Variants in DOCK2 observed in about 807,000 individuals in gnomAD.
DOCK2 encodes dedicator of cytokinesis 2, also known as dedicator of cytokinesis protein 2.
Under a neutral mutation model 248.9 loss-of-function variants are expected in DOCK2, and 87 were observed. The ratio of observed to expected loss-of-function variants is 0.35; its 90% CI spans 0.29 to 0.42. The LOEUF is 0.42. Ranked by LOEUF, DOCK2 falls within the 10% of genes least tolerant of loss-of-function variation. DOCK2 has a pLI of 1.00. For missense variants in DOCK2, 1,747 were observed against 2,300.2 expected, an observed-to-expected ratio of 0.76 and a Z score of 4.92; for synonymous variants, 805 against 821.6, an observed-to-expected ratio of 0.98 and a Z score of 0.35.
chr5:170,047,313 A>G (rs145123150), intron 39 of DOCK2, among the ~76,000 whole-genome samples, 197 bp from the exon 40 acceptor site: 24 of 152,346 alleles, frequency 1.6e-4, no homozygotes, highest in African/African-American at 5.1e-4. Context: ...GTGCAGGTAG[A>G]GTGATTAACA....
intron 27 of DOCK2, among the ~76,000 whole-genome samples, chr5:169,844,179 A>G (rs983824708): frequency 1.3e-5 from 2 of 152,220 alleles, no homozygotes; most frequent in Non-Finnish European, 2.9e-5. Context: ...ATATATTTTT[A>G]AAAGCATTCC....
At chr5:170,079,219 G>A (rs1757942412) in intron 49 of DOCK2, 73 bp downstream of exon 49, 1 of 1,539,326 alleles carries the variant, frequency 6.5e-7, no homozygotes, top group Non-Finnish European at 8.8e-7. Context: ...ACAAAACCCA[G>A]GGCTTCCAGA....
At chr5:169,926,294 GGAAATATTGTCGCTTTGC>G (rs1775452022) in intron 27 of DOCK2, among the ~76,000 whole-genome samples, 1 of 152,146 alleles carries the variant, frequency 6.6e-6, no homozygotes, top group South Asian at 2.1e-4. Context: ...TTGCTGTTTG[GGAAATATTGTCGCTTTGC>G]ATAGGATGGC....
intron 30 of DOCK2, among the ~76,000 whole-genome samples, chr5:170,000,850 C>G (rs146781845): frequency 6.6e-6 from 1 of 152,290 alleles, no homozygotes; most frequent in East Asian, 1.9e-4. Context: ...AACTTCTAGA[C>G]TATTTCTAGC....
chr5:169,663,462 C>G, intron 2 of DOCK2, among the ~76,000 whole-genome samples: 1 of 152,238 alleles, frequency 6.6e-6, no homozygotes, highest in East Asian at 1.9e-4. Context: ...CCACATTTCC[C>G]TGCTGCACTG....
At chr5:169,809,194 T>C (rs1283462261) in intron 26 of DOCK2, among the ~76,000 whole-genome samples, 2 of 152,184 alleles carry the variant, frequency 1.3e-5, no homozygotes, top group Non-Finnish European at 2.9e-5. Flanking sequence ...TTTTACCATG[T>C]TGGCCAGGCT....
chr5:170,037,667 G>A (rs961113448), intron 36 of DOCK2, among the ~76,000 whole-genome samples: 3 of 151,874 alleles, frequency 2.0e-5, no homozygotes, highest in Non-Finnish European at 2.9e-5. Flanking sequence ...TGTATTTTTA[G>A]TAGAGACGGG....
At chr5:169,942,549 T>C (rs1437754852) in intron 27 of DOCK2, among the ~76,000 whole-genome samples, 1 of 152,192 alleles carries the variant, frequency 6.6e-6, no homozygotes, top group Admixed American at 6.5e-5. Context: ...TTACAGAAAA[T>C]TGTAATTTTC....
intron 27 of DOCK2, among the ~76,000 whole-genome samples, chr5:169,912,021 T>C (rs1774623836): frequency 6.6e-6 from 1 of 152,244 alleles, no homozygotes; most frequent in Non-Finnish European, 1.5e-5. Context: ...CTAGAGGGCA[T>C]GGGCTAACTG....
At chr5:169,689,355 G>T (rs192049642) in intron 9 of DOCK2, 22 bp downstream of exon 9, 2 of 1,612,870 alleles carry the variant, frequency 1.2e-6, no homozygotes, top group South Asian at 1.1e-5. Flanking sequence ...CCCTCTTCTC[G>T]TTACCGTGCT....
Position 169,681,879 on chromosome 5 carries a change from G to A in DOCK2, c.606G>A (p.Met202Ile). ...TCACAGAGCGTATCAAAGAAGAAAT[G>A]GTGAGCTTTACTAAATAGGCTTTGG... ...DKITERIKEEMSKDQPDYAMY... is the reference protein window; with the variant it reads ...DKITERIKEEISKDQPDYAMY... Residue 202 changes from methionine to isoleucine, a missense_variant and splice_region_variant, in exon 7 of 52, where the codon ATG (methionine) becomes ATA (isoleucine). By Grantham distance (10) the Met-to-Ile change is conservative (BLOSUM62 1). This residue lies in a region of DOCK2 where 375 missense variants were observed against 510.9 expected (regional missense o/e 0.73). Coordinates refer to ENST00000520908, the MANE Select transcript of DOCK2 (RefSeq NM_004946.3). 6.2e-7 allele frequency: 1 copy of A among 1,613,218 alleles called. No homozygotes were observed. Among genetic ancestry groups the A allele is most frequent in the Non-Finnish European group, 8.5e-7 (1 of 1,179,696 alleles).
intron 26 of DOCK2, among the ~76,000 whole-genome samples, chr5:169,813,851 A>T (rs1008448509): frequency 8.5e-5 from 13 of 152,182 alleles, no homozygotes; most frequent in African/African-American, 3.1e-4. Flanking sequence ...GGGGACAATG[A>T]GTTGGGTACC....
chr5:170,044,401 T>G (rs948275150), intron 38 of DOCK2, among the ~76,000 whole-genome samples: 4 of 152,212 alleles, frequency 2.6e-5, no homozygotes. Context: ...GAGGTCCCAG[T>G]GGCCACACAG....
chr5:169,650,425 C>T (rs1195892552), intron 1 of DOCK2, among the ~76,000 whole-genome samples: 2 of 152,076 alleles, frequency 1.3e-5, no homozygotes, highest in Non-Finnish European at 2.9e-5. Flanking sequence ...CAAAGAGAAA[C>T]ATTGAACTTA....
chr5:169,666,009 A>G (rs1758704166), intron 2 of DOCK2, among the ~76,000 whole-genome samples: 1 of 152,218 alleles, frequency 6.6e-6, no homozygotes, highest in Non-Finnish European at 1.5e-5. Context: ...TTCCTCCAGA[A>G]TGCATGTCTA....
intron 25 of DOCK2, among the ~76,000 whole-genome samples, chr5:169,785,180 A>G (rs1190543214): frequency 1.3e-5 from 2 of 152,230 alleles, no homozygotes; most frequent in South Asian, 2.1e-4. Flanking sequence ...TCAGCAGCCA[A>G]TCTAATTTCA....
At chr5:169,876,630 T>C (rs1389962923) in intron 27 of DOCK2, among the ~76,000 whole-genome samples, 1 of 152,236 alleles carries the variant, frequency 6.6e-6, no homozygotes, top group African/African-American at 2.4e-5. Context: ...TTGTTGAAAG[T>C]ATGTGGCATT....
intron 25 of DOCK2, among the ~76,000 whole-genome samples, chr5:169,799,669 G>GACTAAA (rs1354605449): frequency 2.0e-5 from 3 of 152,104 alleles, no homozygotes; most frequent in African/African-American, 7.2e-5. Flanking sequence ...GCAAGATATG[G>GACTAAA]ACTAAATATT....
chr5:170,019,567 G>A (rs73800264), intron 33 of DOCK2, among the ~76,000 whole-genome samples: 143 of 152,284 alleles, frequency 9.4e-4, no homozygotes, highest in African/African-American at 2.6e-3. Flanking sequence ...AGTTAGGGAC[G>A]TGTTGCTCAG....
Sources: allele counts gnomAD v4.1 joint callset (sites outside exome capture counted in the v4.1 genomes callset), GRCh38; gene constraint gnomAD v4.1.1; regional missense constraint gnomAD v4.1.1; transcripts MANE v1.5; gene names NCBI Gene and HGNC (gene_info 2026-07-23, HGNC 2026-07-21).